The following PLXNA2 variants were observed in gnomAD, a reference collection of about 807,000 sequenced individuals.
PLXNA2 encodes plexin-A2.
Under a neutral mutation model 193.5 loss-of-function variants are expected in PLXNA2, and 91 were observed. The observed-to-expected ratio is 0.47, with a 90% CI of 0.40 to 0.56. PLXNA2 has a LOEUF of 0.56. Ranked by LOEUF, PLXNA2 falls within the 20% of genes least tolerant of loss-of-function variation. The pLI is 0.00. For synonymous variants in PLXNA2, 997 were observed against 1,027.3 expected (o/e 0.97, Z 0.56); for missense variants, 1,995 against 2,503.2 (o/e 0.80, Z 4.33).
chr1:208,175,590 G>A (rs1355162701), intron 3 of PLXNA2, among the ~76,000 whole-genome samples: 1 of 152,136 alleles, frequency 6.6e-6, no homozygotes, highest in African/African-American at 2.4e-5. Flanking sequence ...GGACAGTCTA[G>A]GCAGTCTGAT....
At chr1:208,139,039 A>C (rs185100538) in intron 4 of PLXNA2, among the ~76,000 whole-genome samples, 63 of 152,350 alleles carry the variant, frequency 4.1e-4, no homozygotes, top group African/African-American at 1.4e-3. Context: ...TCTCAAAAAC[A>C]AAACAAAACA....
intron 10 of PLXNA2, among the ~76,000 whole-genome samples, chr1:208,083,110 C>A (rs1032502679): frequency 1.3e-5 from 2 of 152,172 alleles, no homozygotes; most frequent in Admixed American, 6.5e-5. Context: ...CCAACCCCTG[C>A]GGTGGCCCTC....
At chr1:208,224,118 CGTTGG>C (rs1403491059) in intron 1 of PLXNA2, among the ~76,000 whole-genome samples, 1 of 152,164 alleles carries the variant, frequency 6.6e-6, no homozygotes, top group African/African-American at 2.4e-5. Context: ...AGTCCAGGCA[CGTTGG>C]GTAGCACAAG....
chr1:208,162,709 G>A (rs915289267), intron 3 of PLXNA2, among the ~76,000 whole-genome samples: 1 of 152,146 alleles, frequency 6.6e-6, no homozygotes, highest in African/African-American at 2.4e-5. Context: ...GCCTACAATA[G>A]CTCTATGAGG....
At chr1:208,174,639 C>T (rs1483977197) in intron 3 of PLXNA2, among the ~76,000 whole-genome samples, 2 of 152,082 alleles carry the variant, frequency 1.3e-5, no homozygotes. Context: ...TCCCATGCCC[C>T]CAATAGGCTG....
chr1:208,157,693 G>A (rs1365590257), intron 3 of PLXNA2, among the ~76,000 whole-genome samples: 1 of 152,186 alleles, frequency 6.6e-6, no homozygotes, highest in African/African-American at 2.4e-5. Flanking sequence ...GCTGTGTAAG[G>A]TTCCGGGTTC....
intron 5 of PLXNA2, among the ~76,000 whole-genome samples, chr1:208,101,847 G>A (rs12130322): frequency 0.037 from 5,708 of 152,284 alleles, 146 homozygotes; most frequent in Middle Eastern, 0.075. Flanking sequence ...AGAGCTAGAG[G>A]GCAGGCTGCC....
rs541230451 is a variant in PLXNA2 at position 208,160,219 on chromosome 1, C to A, written c.1372-17756G>T. On this transcript the variant is annotated intron_variant, in intron 3 of 31. Transcript: ENST00000367033. ...TCTTCCCTTCATTAGTACAACCCCC[C>A]CCGCCCAGAAGTAGAAAGGGTTATT... is the stretch of plus-strand genomic sequence containing the variant. Among the ~76,000 whole-genome samples, 34 of 152,324 alleles carry A rather than the reference C, an allele frequency of 2.2e-4. No homozygotes were observed. The South Asian group carries it at 5.6e-3, about 25-fold the overall frequency.
At chr1:208,177,397 GTC>G (rs1324630255) in intron 3 of PLXNA2, among the ~76,000 whole-genome samples, 14 of 152,112 alleles carry the variant, frequency 9.2e-5, no homozygotes, top group Non-Finnish European at 1.2e-4. Context: ...AAATCTCTGT[GTC>G]TCTGTTGCTT....
In PLXNA2 at chr1:208,186,327, G is replaced by A. The variant is rs138193057; in HGVS notation, c.1371+23953C>T. Among the ~76,000 whole-genome samples, 682 of 152,110 alleles carry A rather than the reference G, an allele frequency of 4.5e-3. 2 individuals are homozygous for A. Among genetic ancestry groups the A allele is most frequent in the Non-Finnish European group, 7.2e-3 (488 of 68,012 alleles). On this transcript the variant is annotated intron_variant, in intron 3 of 31. Coordinates refer to ENST00000367033, the MANE Select transcript of PLXNA2 (RefSeq NM_025179.4). ...TTTCTTGATTTTTAAAGTGGGGGTT[G>A]GGAGAGGGGGTTCATAAATAGAGAA...
intron 13 of PLXNA2, among the ~76,000 whole-genome samples, chr1:208,057,209 G>A (rs932597125): frequency 6.6e-6 from 1 of 152,210 alleles, no homozygotes; most frequent in African/African-American, 2.4e-5. Context: ...CTCTGCTACA[G>A]AGCGGGTCTT....
At chr1:208,048,326 C>A (rs1665145442) in intron 17 of PLXNA2, among the ~76,000 whole-genome samples, 14 of 152,228 alleles carry the variant, frequency 9.2e-5, no homozygotes, top group Admixed American at 9.2e-4. Flanking sequence ...TGGGGCCCAA[C>A]CAGGCAGGGC....
chr1:208,174,848 G>A (rs1669613396), intron 3 of PLXNA2, among the ~76,000 whole-genome samples: 1 of 152,192 alleles, frequency 6.6e-6, no homozygotes, highest in Non-Finnish European at 1.5e-5. Context: ...AACAGTGGTG[G>A]ATACAAGAGA....
At chr1:208,063,056 C>T (rs1357544421) in intron 12 of PLXNA2, among the ~76,000 whole-genome samples, 2 of 152,150 alleles carry the variant, frequency 1.3e-5, no homozygotes, top group Non-Finnish European at 2.9e-5. Context: ...CCCCTCCATC[C>T]CCTTCCCTAG....
At chr1:208,089,390 T>C (rs1200507731) in intron 9 of PLXNA2, among the ~76,000 whole-genome samples, 1 of 152,224 alleles carries the variant, frequency 6.6e-6, no homozygotes, top group East Asian at 1.9e-4. Context: ...TGTACTCAGC[T>C]TTTTTGGATG....
chr1:208,185,161 G>A (rs567922948), intron 3 of PLXNA2, among the ~76,000 whole-genome samples: 1 of 152,256 alleles, frequency 6.6e-6, no homozygotes, highest in Admixed American at 6.5e-5. Context: ...TAGGCTGCAG[G>A]GATTTGACTG....
At chr1:208,153,694 A>G (rs6697350) in intron 3 of PLXNA2, among the ~76,000 whole-genome samples, 69,511 of 151,894 alleles carry the variant, frequency 0.46, 16,178 homozygotes, top group Middle Eastern at 0.5. Flanking sequence ...ATGAGGTCAG[A>G]GTTGGGGTCT....
intron 4 of PLXNA2, among the ~76,000 whole-genome samples, chr1:208,120,370 G>C (rs937069938): frequency 2.0e-5 from 3 of 152,202 alleles, no homozygotes; most frequent in Admixed American, 6.5e-5. Flanking sequence ...TAATCAGAGA[G>C]GGGGTGAAGC....
At chr1:208,210,885 C>T (rs960205036) in intron 2 of PLXNA2, among the ~76,000 whole-genome samples, 6 of 152,154 alleles carry the variant, frequency 3.9e-5, no homozygotes, top group Admixed American at 2.0e-4. Context: ...GGATTTCTAC[C>T]AGCCCAGAAA....
Sources: gnomAD v4.1 joint callset for allele counts (sites outside exome capture counted in the v4.1 genomes callset) on GRCh38, gnomAD v4.1.1 for gene constraint, MANE v1.5 for transcripts, NCBI Gene and HGNC (gene_info 2026-07-23, HGNC 2026-07-21) for gene names.